TFDP2: variants seen among roughly 807,000 people sequenced by gnomAD.
The protein encoded by TFDP2 is transcription factor Dp-2.
In TFDP2, 17 loss-of-function variants were observed where a neutral mutation model predicts 59.3. The ratio of observed to expected loss-of-function variants is 0.29; its 90% CI spans 0.20 to 0.43. The LOEUF (loss-of-function observed/expected upper bound fraction) is 0.43, where lower values mean the gene tolerates loss of function less well. Among genes scored for constraint, TFDP2 ranks in the 20% least tolerant of loss-of-function variants. The probability of loss-of-function intolerance (pLI) is 1.00; values close to 1 mark genes in which losing one functional copy is unlikely to be tolerated. For missense variants in TFDP2, 391 were observed against 528.8 expected (o/e 0.74, Z 2.56); for synonymous variants, 180 against 194.7 (o/e 0.92, Z 0.63).
rs1238668391 is a variant in TFDP2, at chr3:142,037,861, T to C, written c.83-32317A>G. Among the ~76,000 whole-genome samples, 4 of 152,210 alleles carry C rather than the reference T, an allele frequency of 2.6e-5. No homozygotes were observed. The East Asian group carries it at 7.7e-4, about 29-fold the overall frequency. ...TATTCCACTATACAGTTGTGTCATA[T>C]TTTATTTCCCTTTTAAGTGGATATT... On this transcript the variant is annotated intron_variant, in intron 3 of 12. Coordinates refer to ENST00000489671, the MANE Select transcript of TFDP2 (RefSeq NM_001178139.2).
At chr3:141,997,081 C>T (rs1041051862) in intron 4 of TFDP2, among the ~76,000 whole-genome samples, 2 of 152,204 alleles carry the variant, frequency 1.3e-5, no homozygotes, top group Non-Finnish European at 2.9e-5. Context: ...CACATCCCCA[C>T]TTTCAGTGCA....
intron 3 of TFDP2, among the ~76,000 whole-genome samples, chr3:142,051,734 G>T (rs2862125): frequency 0.85 from 129,764 of 152,184 alleles, 55,713 homozygotes; most frequent in African/African-American, 0.96. Context: ...TATGGGAAAT[G>T]ATAATCTTTT....
At chr3:141,970,019 A>C in intron 9 of TFDP2, 54 bp downstream of exon 9, 1 of 1,539,656 alleles carries the variant, frequency 6.5e-7, no homozygotes, top group Non-Finnish European at 9.0e-7. Flanking sequence ...CTGACTCCAA[A>C]AGGCAGCAAG....
rs1395653986 is a variant in TFDP2, at chr3:141,963,971, G to T, written c.733-8C>A. On this transcript the variant is annotated splice_polypyrimidine_tract_variant and splice_region_variant and intron_variant, in intron 9 of 12. Transcript: ENST00000489671. ...GTTTTTGAAAGCGATTTGCTGTAAT[G>T]ATCAATAAAAACAATATGGTCAATT... The T allele has an allele frequency of 1.2e-6, 2 of 1,611,774 alleles. No individual in the cohort carries two copies. The highest frequency in any genetic ancestry group is 1.1e-5 in the South Asian group (1 of 90,524).
chr3:142,102,886 A>G (rs1414509835), intron 1 of TFDP2, among the ~76,000 whole-genome samples: 3 of 152,208 alleles, frequency 2.0e-5, no homozygotes, highest in Non-Finnish European at 2.9e-5. Flanking sequence ...GAATTCTTCA[A>G]AAAATGTTAG....
intron 6 of TFDP2, among the ~76,000 whole-genome samples, chr3:141,986,108 C>T (rs1176308452): frequency 2.6e-5 from 4 of 152,118 alleles, no homozygotes; most frequent in African/African-American, 9.7e-5. Context: ...TTAGTCTGAG[C>T]TTAGTCTATA....
chr3:142,093,877 A>C (rs897382086), intron 2 of TFDP2: 2 of 421,162 alleles, frequency 4.7e-6, no homozygotes, highest in Admixed American at 5.2e-5. Context: ...AGGTTGTTAT[A>C]AAGACTAAAT....
chr3:142,068,393 A>T (rs1459014932), intron 3 of TFDP2, among the ~76,000 whole-genome samples: 1 of 152,198 alleles, frequency 6.6e-6, no homozygotes, highest in East Asian at 1.9e-4. Flanking sequence ...TACAACAGCA[A>T]AAGCATGATC....
chr3:142,073,871 A>G (rs2060348351), intron 3 of TFDP2, among the ~76,000 whole-genome samples: 1 of 152,190 alleles, frequency 6.6e-6, no homozygotes, highest in South Asian at 2.1e-4. Context: ...AATAAAACCA[A>G]AGCAATCTAG....
At chr3:141,972,184 G>A (rs1441829624) in intron 8 of TFDP2, among the ~76,000 whole-genome samples, 3 of 152,040 alleles carry the variant, frequency 2.0e-5, no homozygotes, top group African/African-American at 7.3e-5. Context: ...GATGTTGTAG[G>A]AGCATCCCTT....
chr3:142,006,854 G>A (rs1309847363), intron 3 of TFDP2, among the ~76,000 whole-genome samples: 1 of 151,942 alleles, frequency 6.6e-6, no homozygotes, highest in African/African-American at 2.4e-5. Flanking sequence ...TTGGCTCACT[G>A]CAACCTCCGC....
chr3:141,993,491 T>C, intron 6 of TFDP2, 47 bp downstream of exon 6: 2 of 1,304,694 alleles, frequency 1.5e-6, no homozygotes, highest in South Asian at 1.4e-5. Context: ...CAACAGCCTC[T>C]CTATATAGCC....
chr3:141,977,123 TTTTTTCC>T (rs1300773940), intron 7 of TFDP2, among the ~76,000 whole-genome samples: 100 of 125,432 alleles, frequency 8.0e-4, no homozygotes, highest in African/African-American at 2.6e-3. Context: ...TTTTTTTTTT[TTTTTTCC>T]CCCCAAAGAG....
intron 3 of TFDP2, among the ~76,000 whole-genome samples, chr3:142,045,957 G>C (rs16852071): frequency 0.041 from 6,265 of 152,212 alleles, 144 homozygotes; most frequent in South Asian, 0.07. Flanking sequence ...GCCAGACCTA[G>C]TATTGAGCAG....
chr3:141,978,405 A>C, intron 7 of TFDP2, 115 bp downstream of exon 7: 1 of 1,115,486 alleles, frequency 9.0e-7, no homozygotes, highest in Non-Finnish European at 1.2e-6. Flanking sequence ...AAAATCCCCC[A>C]AAATAAAGGA....
chr3:142,096,609 A>G (rs1388380068), intron 2 of TFDP2, among the ~76,000 whole-genome samples: 3 of 152,216 alleles, frequency 2.0e-5, no homozygotes, highest in South Asian at 4.1e-4. Flanking sequence ...GGGTATTCCA[A>G]TGCTGTGTTG....
intron 3 of TFDP2, among the ~76,000 whole-genome samples, chr3:142,089,390 AAC>A (rs2060925925): frequency 1.3e-5 from 2 of 152,188 alleles, no homozygotes; most frequent in Non-Finnish European, 2.9e-5. Context: ...ATATGTGAAG[AAC>A]ACAGAGGAAA....
intron 3 of TFDP2, among the ~76,000 whole-genome samples, chr3:142,045,843 A>C (rs1051820061): frequency 2.0e-5 from 3 of 149,786 alleles, no homozygotes; most frequent in Non-Finnish European, 3.0e-5. Flanking sequence ...GGCTGGTCTC[A>C]AAATCCTGAC....
intron 3 of TFDP2, among the ~76,000 whole-genome samples, chr3:142,092,152 C>T (rs960219809): frequency 2.0e-5 from 3 of 152,022 alleles, no homozygotes; most frequent in Non-Finnish European, 4.4e-5. Flanking sequence ...TCTATAATAC[C>T]ACCCACTTTA....
Sources: gnomAD v4.1 joint callset for allele counts (sites outside exome capture counted in the v4.1 genomes callset) on GRCh38, gnomAD v4.1.1 for gene constraint, MANE v1.5 for transcripts, NCBI Gene and HGNC (gene_info 2026-07-23, HGNC 2026-07-21) for gene names.